LUZP2: variants seen among roughly 807,000 people sequenced by gnomAD.
LUZP2 encodes leucine zipper protein 2.
A neutral mutation model predicts 51.6 loss-of-function variants in LUZP2; 52 were observed. The ratio of observed to expected loss-of-function variants is 1.01; its 90% CI spans 0.81 to 1.27. LUZP2 has a LOEUF of 1.27. LUZP2 is among the 50% of genes most tolerant of loss of function. The probability of loss-of-function intolerance (pLI) is 0.00; values close to 1 mark genes in which losing one functional copy is unlikely to be tolerated. For missense variants in LUZP2, 436 were observed against 395.4 expected, an observed-to-expected ratio of 1.10 and a Z score of -0.87; for synonymous variants, 154 against 137.3, an observed-to-expected ratio of 1.12 and a Z score of -0.85.
intron 1 of LUZP2, among the ~76,000 whole-genome samples, chr11:24,606,722 T>C (rs1263223968): frequency 6.6e-6 from 1 of 152,010 alleles, no homozygotes; most frequent in Non-Finnish European, 1.5e-5. Flanking sequence ...TTGAGGAAAC[T>C]TCATACTGTT....
At chr11:25,066,147 G>A (rs1858991650) in intron 10 of LUZP2, among the ~76,000 whole-genome samples, 1 of 147,080 alleles carries the variant, frequency 6.8e-6, no homozygotes, top group African/African-American at 2.5e-5. Flanking sequence ...TGTCTTCTCG[G>A]GGGATTTTAT....
intron 1 of LUZP2, among the ~76,000 whole-genome samples, chr11:24,706,715 G>C (rs1438231716): frequency 6.6e-6 from 1 of 152,114 alleles, no homozygotes; most frequent in Non-Finnish European, 1.5e-5. Flanking sequence ...GAACGTTTCA[G>C]TCTTAATCTA....
intron 1 of LUZP2, among the ~76,000 whole-genome samples, chr11:24,681,396 A>G (rs998152224): frequency 2.0e-5 from 3 of 152,170 alleles, no homozygotes; most frequent in African/African-American, 7.2e-5. Flanking sequence ...ATAATTACTC[A>G]AGTTATAAGT....
intron 9 of LUZP2, among the ~76,000 whole-genome samples, chr11:25,043,075 C>T (rs1461931096): frequency 6.6e-6 from 1 of 152,126 alleles, no homozygotes; most frequent in East Asian, 1.9e-4. Context: ...CATCTGCAAG[C>T]TCGGAGGAGA....
At chr11:24,836,598 A>C (rs976290) in intron 5 of LUZP2, among the ~76,000 whole-genome samples, 23,724 of 151,720 alleles carry the variant, frequency 0.16, 2,053 homozygotes, top group African/African-American at 0.22. Flanking sequence ...TATTTATCTC[A>C]AAGCTGCATA....
chr11:25,040,204 C>T (rs1858004992), intron 9 of LUZP2, among the ~76,000 whole-genome samples: 1 of 151,988 alleles, frequency 6.6e-6, no homozygotes, highest in Admixed American at 6.6e-5. Flanking sequence ...TTTTCATGCC[C>T]ATTAAATGTG....
At chr11:24,526,238 A>G (rs1850797103) in intron 1 of LUZP2, among the ~76,000 whole-genome samples, 1 of 144,076 alleles carries the variant, frequency 6.9e-6, no homozygotes, top group South Asian at 2.2e-4. Flanking sequence ...CCAATTAATC[A>G]TTTATATAAC....
chr11:25,050,767 A>G (rs1050555677), intron 10 of LUZP2, among the ~76,000 whole-genome samples: 1 of 152,214 alleles, frequency 6.6e-6, no homozygotes, highest in African/African-American at 2.4e-5. Flanking sequence ...GTTAAAATGT[A>G]AAAAACAAAA....
chr11:24,738,762 C>T (rs1448874325), intron 4 of LUZP2, among the ~76,000 whole-genome samples: 2 of 152,064 alleles, frequency 1.3e-5, no homozygotes, highest in East Asian at 3.9e-4. Flanking sequence ...AATCAAACTC[C>T]TCTCCTGACA....
At chr11:24,632,866 T>A (rs937139333) in intron 1 of LUZP2, among the ~76,000 whole-genome samples, 1 of 152,028 alleles carries the variant, frequency 6.6e-6, no homozygotes, top group Admixed American at 6.6e-5. Context: ...ATATTAGTAC[T>A]CACCCAATCT....
At chr11:24,759,971 A>G (rs71476400) in intron 4 of LUZP2, among the ~76,000 whole-genome samples, 17,568 of 152,186 alleles carry the variant, frequency 0.12, 1,151 homozygotes, top group African/African-American at 0.15. Context: ...TTAGGGAGAC[A>G]GAAGACATCA....
chr11:24,763,758 C>A (rs1378235533), intron 5 of LUZP2, among the ~76,000 whole-genome samples: 1 of 152,006 alleles, frequency 6.6e-6, no homozygotes, highest in Non-Finnish European at 1.5e-5. Context: ...TCCATGATAG[C>A]CTTTAAAATG....
At position 24,662,513 on chromosome 11, in the gene LUZP2, A is replaced by T. The variant is rs147732330; in HGVS notation, c.63-66656A>T. Among the ~76,000 whole-genome samples, 18 of 152,270 alleles carry T rather than the reference A, an allele frequency of 1.2e-4. No individual in the cohort carries two copies. The East Asian group carries it at 2.9e-3, about 24-fold the overall frequency. On this transcript the variant is annotated intron_variant, in intron 1 of 11. Transcript: ENST00000336930. The stretch of plus-strand genomic sequence containing the variant: ...AAAAAATGTTTGAGATAAGTGATGG[A>T]TATTGAAATCGAAACATCATTCTAT...
At chr11:25,067,459 C>T (rs1859029444) in intron 10 of LUZP2, among the ~76,000 whole-genome samples, 1 of 152,008 alleles carries the variant, frequency 6.6e-6, no homozygotes, top group South Asian at 2.1e-4. Context: ...TTGGCCATGC[C>T]TAAGTCCTGA....
chr11:24,519,418 A>G (rs1850573148), intron 1 of LUZP2, among the ~76,000 whole-genome samples: 1 of 152,230 alleles, frequency 6.6e-6, no homozygotes, highest in South Asian at 2.1e-4. Context: ...TGTAAGATTC[A>G]TTCCTTGAGA....
chr11:24,617,918 C>T (rs1032290274), intron 1 of LUZP2, among the ~76,000 whole-genome samples: 1 of 152,004 alleles, frequency 6.6e-6, no homozygotes, highest in African/African-American at 2.4e-5. Flanking sequence ...TGTTATGAAA[C>T]TCTTGTCTTA....
chr11:25,048,894 C>A (rs901562691), intron 9 of LUZP2, among the ~76,000 whole-genome samples: 1 of 151,806 alleles, frequency 6.6e-6, no homozygotes, highest in African/African-American at 2.4e-5. Context: ...TATATAGGAT[C>A]AGTTTTAGTG....
chr11:24,698,190 T>G (rs1852870026), intron 1 of LUZP2, among the ~76,000 whole-genome samples: 1 of 152,210 alleles, frequency 6.6e-6, no homozygotes, highest in Non-Finnish European at 1.5e-5. Flanking sequence ...AACTGTGCAG[T>G]AGGCAAGAAG....
chr11:24,849,932 A>G (rs887304924), intron 5 of LUZP2, among the ~76,000 whole-genome samples: 2 of 152,088 alleles, frequency 1.3e-5, no homozygotes, highest in Non-Finnish European at 2.9e-5. Context: ...CTTCTTTTGA[A>G]AAGTGTCTGT....
Sources: allele counts gnomAD v4.1 joint callset (sites outside exome capture counted in the v4.1 genomes callset), GRCh38; gene constraint gnomAD v4.1.1; transcripts MANE v1.5; gene names NCBI Gene and HGNC (gene_info 2026-07-23, HGNC 2026-07-21).